The following TPST1 variants were observed in gnomAD, a reference collection of about 807,000 sequenced individuals.
TPST1 encodes the protein protein-tyrosine sulfotransferase 1.
Under a neutral mutation model 34.8 loss-of-function variants are expected in TPST1, and 20 were observed. The observed-to-expected ratio is 0.57, with a 90% CI of 0.40 to 0.84. TPST1 has a LOEUF of 0.84. Among genes scored for constraint, TPST1 ranks in the 40% least tolerant of loss-of-function variants. TPST1 has a pLI of 0.00. For missense variants in TPST1, 353 were observed against 455.5 expected (o/e 0.78, Z 2.05); for synonymous variants, 152 against 159.4 (o/e 0.95, Z 0.35).
intron 2 of TPST1, among the ~76,000 whole-genome samples, chr7:66,272,967 C>T (rs534795206): frequency 2.3e-4 from 35 of 152,246 alleles, no homozygotes; most frequent in African/African-American, 7.5e-4. Context: ...AAAAGGCATC[C>T]ACATCAGAAA....
chr7:66,252,600 T>G (rs998130606), intron 2 of TPST1, among the ~76,000 whole-genome samples: 2 of 152,150 alleles, frequency 1.3e-5, no homozygotes, highest in Non-Finnish European at 2.9e-5. Flanking sequence ...CCCAAAGTGC[T>G]GGGATTACAG....
chr7:66,238,403 A>G (rs1173139156), intron 1 of TPST1, among the ~76,000 whole-genome samples: 1 of 144,070 alleles, frequency 6.9e-6, no homozygotes, highest in African/African-American at 2.5e-5. Context: ...GTATAACAGC[A>G]CTGGCTTTTT....
chr7:66,230,570 C>G (rs529778415), intron 1 of TPST1, among the ~76,000 whole-genome samples: 15 of 151,906 alleles, frequency 9.9e-5, no homozygotes, highest in African/African-American at 3.6e-4. Context: ...TGGAGCTGTT[C>G]GTTCCTCCCG....
intron 1 of TPST1, among the ~76,000 whole-genome samples, chr7:66,233,453 A>T (rs1197872552): frequency 6.6e-6 from 1 of 152,182 alleles, no homozygotes; most frequent in Non-Finnish European, 1.5e-5. Flanking sequence ...ATTTGCTGAG[A>T]AGACTCTTAT....
chr7:66,279,685 CAAT>C (rs2115878804), intron 2 of TPST1, among the ~76,000 whole-genome samples: 1 of 152,260 alleles, frequency 6.6e-6, no homozygotes, highest in East Asian at 1.9e-4. Flanking sequence ...ATATGAAACA[CAAT>C]GATGTTGGGG....
intron 2 of TPST1, among the ~76,000 whole-genome samples, chr7:66,262,071 G>A (rs1790500046): frequency 6.6e-6 from 1 of 152,190 alleles, no homozygotes; most frequent in Admixed American, 6.5e-5. Flanking sequence ...GGCCTCTGGA[G>A]TAATAGTATT....
intron 3 of TPST1, among the ~76,000 whole-genome samples, chr7:66,333,408 G>T (rs912461208): frequency 3.3e-5 from 5 of 152,188 alleles, no homozygotes; most frequent in African/African-American, 1.2e-4. Flanking sequence ...TGTGTGTACT[G>T]TGGAAGATCG....
intron 1 of TPST1, among the ~76,000 whole-genome samples, chr7:66,212,170 TTTTTAAAACA>T (rs1292271884): frequency 6.6e-6 from 1 of 152,224 alleles, no homozygotes; most frequent in East Asian, 1.9e-4. Flanking sequence ...ATCTTGTATC[TTTTTAAAACA>T]AATAGCTCTT....
intron 2 of TPST1, among the ~76,000 whole-genome samples, chr7:66,284,754 G>A (rs1216983387): frequency 1.3e-5 from 2 of 151,664 alleles, no homozygotes; most frequent in South Asian, 2.1e-4. Flanking sequence ...ATGGGATTTC[G>A]CCATGTTGGC....
chr7:66,233,271 C>T (rs184353722), intron 1 of TPST1, among the ~76,000 whole-genome samples: 41 of 152,050 alleles, frequency 2.7e-4, no homozygotes, highest in Admixed American at 1.9e-3. Flanking sequence ...TCTAGGAAAC[C>T]ACTACTTAAC....
intron 2 of TPST1, among the ~76,000 whole-genome samples, chr7:66,270,794 C>T (rs901883555): frequency 3.9e-5 from 6 of 152,082 alleles, no homozygotes; most frequent in Admixed American, 6.6e-5. Context: ...CACTCAAGGT[C>T]TTATTTGGTG....
At chr7:66,204,614 G>C (rs1225964872), upstream of TPST1, among the ~76,000 whole-genome samples, 1 of 152,240 alleles carries the variant, frequency 6.6e-6, no homozygotes, top group Non-Finnish European at 1.5e-5. Flanking sequence ...ACAGAACCTG[G>C]TGTAGATGTG....
intron 3 of TPST1, among the ~76,000 whole-genome samples, chr7:66,325,519 A>G (rs1562845429): frequency 1.3e-5 from 2 of 151,830 alleles, no homozygotes; most frequent in South Asian, 2.1e-4. Context: ...GGGTTTCCCA[A>G]TGTTGCCTAG....
chr7:66,252,705 A>AT (rs1201745988), intron 2 of TPST1, among the ~76,000 whole-genome samples: 2 of 152,218 alleles, frequency 1.3e-5, no homozygotes, highest in African/African-American at 4.8e-5. Flanking sequence ...ATTAAGAAAA[A>AT]TAAGAAAAAT....
chr7:66,224,898 A>ATTTTTT (rs1385577766), intron 1 of TPST1, among the ~76,000 whole-genome samples: 15 of 46,126 alleles, frequency 3.3e-4, no homozygotes, highest in Non-Finnish European at 5.4e-4. Context: ...ACATTCTGGT[A>ATTTTTT]TTCTTTTTTT....
intron 3 of TPST1, among the ~76,000 whole-genome samples, chr7:66,350,316 A>G (rs1382853275): frequency 6.6e-6 from 1 of 152,166 alleles, no homozygotes; most frequent in African/African-American, 2.4e-5. Flanking sequence ...CGCCCAGCCG[A>G]ACAAATGATT....
At chr7:66,262,773 A>G (rs1418516416) in intron 2 of TPST1, among the ~76,000 whole-genome samples, 2 of 152,118 alleles carry the variant, frequency 1.3e-5, no homozygotes, top group African/African-American at 4.8e-5. Flanking sequence ...GCTTGCTGAT[A>G]AGGAAATGTG....
chr7:66,275,052 G>T (rs1425730303), intron 2 of TPST1, among the ~76,000 whole-genome samples: 1 of 152,120 alleles, frequency 6.6e-6, no homozygotes, highest in East Asian at 1.9e-4. Context: ...AAATTAGCCA[G>T]GTGTGGTGGC....
intron 2 of TPST1, among the ~76,000 whole-genome samples, chr7:66,251,747 A>G (rs1584176732): frequency 6.7e-6 from 1 of 148,240 alleles, no homozygotes; most frequent in Non-Finnish European, 1.5e-5. Context: ...CTGTTGGTAA[A>G]CTTTATATAA....
Sources: gnomAD v4.1 joint callset for allele counts (sites outside exome capture counted in the v4.1 genomes callset) on GRCh38, gnomAD v4.1.1 for gene constraint, MANE v1.5 for transcripts, NCBI Gene and HGNC (gene_info 2026-07-23, HGNC 2026-07-21) for gene names.